AGO3: variants seen among roughly 807,000 people sequenced by gnomAD.
The protein encoded by AGO3 is argonaute RISC catalytic component 3.
In AGO3, 16 loss-of-function variants were observed where a neutral mutation model predicts 105.5. The ratio of observed to expected loss-of-function variants is 0.15; its 90% CI spans 0.10 to 0.23. AGO3 has a LOEUF of 0.23. Among genes scored for constraint, AGO3 ranks in the 10% least tolerant of loss-of-function variants. The pLI, the probability that AGO3 is intolerant of heterozygous loss-of-function variation, is 1.00. For synonymous variants in AGO3, 340 were observed against 367.3 expected (o/e 0.93, Z 0.85); for missense variants, 534 against 1,088.0 (o/e 0.49, Z 7.16).
intron 12 of AGO3, among the ~76,000 whole-genome samples, chr1:36,032,560 A>T (rs559833200): frequency 2.0e-5 from 3 of 152,100 alleles, no homozygotes; most frequent in Admixed American, 6.6e-5. Context: ...TAAAAAAAAA[A>T]TTTGGCAGGG....
At chr1:36,002,807 C>T (rs1451395899) in intron 5 of AGO3, among the ~76,000 whole-genome samples, 2 of 151,856 alleles carry the variant, frequency 1.3e-5, no homozygotes, top group African/African-American at 2.4e-5. Context: ...AAAAAGTTTA[C>T]GCTCCTGACC....
chr1:36,053,518 ACCTACCTTGT>A (rs1431465474), intron 17 of AGO3, among the ~76,000 whole-genome samples: 3 of 151,946 alleles, frequency 2.0e-5, no homozygotes, highest in Non-Finnish European at 4.4e-5. Context: ...TGTTCGATCC[ACCTACCTTGT>A]CCTCCCAAAG....
At chr1:35,997,380 T>C (rs1319167400) in intron 5 of AGO3, among the ~76,000 whole-genome samples, 1 of 152,224 alleles carries the variant, frequency 6.6e-6, no homozygotes, top group Non-Finnish European at 1.5e-5. Flanking sequence ...TTTTCAACTT[T>C]ATGATGGTGC....
rs538333282 is a variant in AGO3, at chr1:36,054,818, G to C, written c.2275-128G>C. The C allele has an allele frequency of 1.9e-5, 15 of 809,192 alleles. No individual in the cohort carries two copies. The African/African-American group carries it at 2.4e-4, about 13-fold the overall frequency. 50.1% of individuals were successfully genotyped at this position (809,192 alleles called of 1,614,324 possible). A position where few individuals can be genotyped will look rare whatever the true frequency, so the allele number is the denominator to read the frequency against. On this transcript the variant is annotated intron_variant, in intron 17 of 18. Transcript: ENST00000373191. ...AATCTTTTGAGCCCCAGAGGTGGAG[G>C]TTGCAGTGATCTGAGATCACGCCAT...
intron 5 of AGO3, among the ~76,000 whole-genome samples, chr1:35,975,289 C>T (rs1646936568): frequency 6.6e-6 from 1 of 152,116 alleles, no homozygotes; most frequent in South Asian, 2.1e-4. Flanking sequence ...ATCAGATTTG[C>T]AAGAAACAGT....
At chr1:35,964,358 T>C (rs1336306878) in intron 2 of AGO3, among the ~76,000 whole-genome samples, 2 of 152,082 alleles carry the variant, frequency 1.3e-5, no homozygotes, top group Non-Finnish European at 2.9e-5. Flanking sequence ...CTCCCACTTA[T>C]TAAGTGAGAG....
At chr1:36,004,587 C>T in intron 6 of AGO3, 112 bp downstream of exon 6, 1 of 920,458 alleles carries the variant, frequency 1.1e-6, no homozygotes, top group South Asian at 3.6e-5. Context: ...ACCAGTAAAA[C>T]TATACATCAA....
chr1:36,043,639 C>T (rs983504303), intron 17 of AGO3, 91 bp downstream of exon 17: 3 of 1,048,530 alleles, frequency 2.9e-6, no homozygotes, highest in Admixed American at 2.7e-5. Flanking sequence ...TAAAGAAATA[C>T]TCTTTGCATT....
At chr1:36,003,738 AT>A (rs1175708187) in intron 5 of AGO3, among the ~76,000 whole-genome samples, 2 of 139,230 alleles carry the variant, frequency 1.4e-5, no homozygotes, top group African/African-American at 5.3e-5. Context: ...ATATATATAT[AT>A]GTATATTTGT....
intron 9 of AGO3, among the ~76,000 whole-genome samples, chr1:36,010,851 A>G (rs1640573672): frequency 7.3e-6 from 1 of 137,490 alleles, no homozygotes; most frequent in Non-Finnish European, 1.6e-5. Context: ...GGTTGCGGTG[A>G]GTCGGGATTG....
At chr1:35,946,341 A>C (rs757004673) in intron 2 of AGO3, among the ~76,000 whole-genome samples, 1 of 152,216 alleles carries the variant, frequency 6.6e-6, no homozygotes, top group Non-Finnish European at 1.5e-5. Flanking sequence ...GAATAAGTAC[A>C]GATGGTATAT....
chr1:36,038,383 G>A (rs758224049), intron 14 of AGO3, among the ~76,000 whole-genome samples: 2 of 151,016 alleles, frequency 1.3e-5, no homozygotes, highest in Non-Finnish European at 2.9e-5. Flanking sequence ...AGCCTCCTGA[G>A]TAGCTGGGAC....
chr1:35,997,767 G>A (rs867913068), intron 5 of AGO3, among the ~76,000 whole-genome samples: 1 of 152,092 alleles, frequency 6.6e-6, no homozygotes. Flanking sequence ...CGTGATCTCG[G>A]CTCAATGCAA....
intron 5 of AGO3, among the ~76,000 whole-genome samples, chr1:36,003,274 G>A (rs1237422516): frequency 1.3e-5 from 2 of 152,000 alleles, no homozygotes; most frequent in Admixed American, 1.3e-4. Flanking sequence ...TGAGAAATGA[G>A]TGATGGTGAT....
intron 9 of AGO3, among the ~76,000 whole-genome samples, chr1:36,012,746 G>T (rs1164966971): frequency 1.3e-5 from 2 of 151,932 alleles, no homozygotes; most frequent in African/African-American, 4.8e-5. Context: ...CCATCCAAAA[G>T]CATATTAGGT....
At chr1:35,957,515 C>T (rs1282023515) in intron 2 of AGO3, among the ~76,000 whole-genome samples, 1 of 151,988 alleles carries the variant, frequency 6.6e-6, no homozygotes, top group Non-Finnish European at 1.5e-5. Context: ...CACTTGAGGT[C>T]AGGAGTTTGA....
At chr1:36,020,175 C>T (rs1203112239) in intron 11 of AGO3, among the ~76,000 whole-genome samples, 1 of 152,202 alleles carries the variant, frequency 6.6e-6, no homozygotes, top group Non-Finnish European at 1.5e-5. Flanking sequence ...TGTCCAGTCT[C>T]TCTCCATGAG....
At chr1:36,045,308 G>A (rs899741478) in intron 17 of AGO3, among the ~76,000 whole-genome samples, 35 of 151,806 alleles carry the variant, frequency 2.3e-4, no homozygotes, top group Non-Finnish European at 1.9e-4. Flanking sequence ...TGCAACCTCT[G>A]TCTCCCAGGT....
chr1:36,009,065 A>G, intron 8 of AGO3, 21 bp downstream of exon 8: 2 of 1,493,984 alleles, frequency 1.3e-6, no homozygotes, highest in Non-Finnish European at 8.7e-7. Context: ...CACACTGCTA[A>G]TTAATACCCT....
Sources: gnomAD v4.1 joint callset for allele counts (sites outside exome capture counted in the v4.1 genomes callset) on GRCh38, gnomAD v4.1.1 for gene constraint, MANE v1.5 for transcripts, NCBI Gene and HGNC (gene_info 2026-07-23, HGNC 2026-07-21) for gene names.